The following ASB14 variants were observed in gnomAD, a reference collection of about 807,000 sequenced individuals.
ASB14 encodes the protein ankyrin repeat and SOCS box protein 14.
A neutral mutation model predicts 55.6 loss-of-function variants in ASB14; 63 were observed. The observed-to-expected ratio is 1.13, with a 90% CI of 0.92 to 1.40. The LOEUF is 1.40. Ranked by LOEUF, ASB14 falls within the 40% of genes most tolerant of loss-of-function variation. The probability of loss-of-function intolerance (pLI) is 0.00; values close to 1 mark genes in which losing one functional copy is unlikely to be tolerated. For missense variants in ASB14, 724 were observed against 710.4 expected (o/e 1.02, Z -0.22); for synonymous variants, 256 against 259.9 (o/e 0.98, Z 0.15).
rs115918312 is a variant in ASB14, at chr3:57,282,066, G to A, written c.715+1128C>T. 3.0e-3 allele frequency among the ~76,000 whole-genome samples: 451 copies of A among 152,202 alleles called. 1 individual carries two copies. Among genetic ancestry groups the A allele is most frequent in the African/African-American group, 0.01 (434 of 41,508 alleles). ...CTATACAAAAGGTTACTCTTTCCTC[G>A]TAGATGAAAGATTCCAATGTTTATT... On this transcript the variant is annotated intron_variant, in intron 6 of 10. Coordinates refer to ENST00000487349, the MANE Select transcript of ASB14 (RefSeq NM_001142733.3).
At chr3:57,269,756 C>T in intron 10 of ASB14, 138 bp from the exon 11 acceptor site, 1 of 1,520,956 alleles carries the variant, frequency 6.6e-7, no homozygotes, top group Non-Finnish European at 9.1e-7. Context: ...CAGAAGGTAA[C>T]AACTATGTTG....
chr3:57,283,453 A>C lies in ASB14; in HGVS notation c.470-14T>G. On this transcript the variant is annotated splice_polypyrimidine_tract_variant and intron_variant, in intron 5 of 10. Coordinates refer to ENST00000487349, the MANE Select transcript of ASB14 (RefSeq NM_001142733.3). ...CACGCAGCACAGCTGGGAAATGAGA[A>C]GTGTGGTGGGCATGTTCAACGGGAA... The C allele has an allele frequency of 6.5e-7, 1 of 1,549,434 alleles. No individual in the cohort carries two copies. The highest frequency in any genetic ancestry group is 8.7e-7 in the Non-Finnish European group (1 of 1,145,894).
chr3:57,285,170 A>C (rs1164299729), intron 5 of ASB14, among the ~76,000 whole-genome samples: 1 of 151,934 alleles, frequency 6.6e-6, no homozygotes, highest in African/African-American at 2.4e-5. Flanking sequence ...CAAACTCCTG[A>C]TCTCAGGTGA....
intron 6 of ASB14, 111 bp from the exon 7 acceptor site, chr3:57,280,584 T>C (rs1013672214): frequency 4.8e-6 from 4 of 835,906 alleles, no homozygotes; most frequent in African/African-American, 1.7e-5. Flanking sequence ...GCACGCACTC[T>C]AGCAAAGCAC....
chr3:57,280,601 T>C (rs903078590), intron 6 of ASB14, 128 bp from the exon 7 acceptor site: 4 of 712,176 alleles, frequency 5.6e-6, no homozygotes, highest in African/African-American at 5.3e-5. Flanking sequence ...GCACCAAGAA[T>C]CAAAGTAACA....
intron 2 of ASB14, 22 bp from the exon 3 acceptor site, chr3:57,289,145 T>C (rs746871975): frequency 1.9e-5 from 28 of 1,465,884 alleles, no homozygotes; most frequent in African/African-American, 2.8e-5. Context: ...AAAATACATA[T>C]GTAATTCCAA....
Position 57,288,197 on chromosome 3 carries a change from C to T in ASB14, c.268G>A (p.Ala90Thr). 6.5e-7 allele frequency: 1 copy of T among 1,536,970 alleles called. No homozygotes were observed. Among genetic ancestry groups the T allele is most frequent in the Non-Finnish European group, 8.7e-7 (1 of 1,146,600 alleles). Residue 90 changes from alanine to threonine, a missense_variant, in exon 4 of 11, where the codon GCA (alanine) becomes ACA (threonine). Transcript: ENST00000487349. ...EIGWIPLHKA[A>T]VQLNRKILEI... The stretch of plus-strand genomic sequence containing the variant: ...AAAATTTTCCTATTTAATTGCACTG[C>T]AGCCTTATGCAGAGGAATCCAGCCT...
In ASB14 at chr3:57,275,288, C is replaced by A. The variant is rs376325750; in HGVS notation, c.*22+1240G>T. On this transcript the variant is annotated intron_variant, in intron 10 of 10. Transcript: ENST00000487349. ...CCAACATGATGAAACCCCGTTTCTA[C>A]TAAAAATACAAAAATTAGCCGGGCA... Among the ~76,000 whole-genome samples, 35 of 152,066 alleles carry A rather than the reference C, an allele frequency of 2.3e-4. 2 individuals carry two copies. In the South Asian group the frequency reaches 7.1e-3, roughly 31 times the overall value.
At chr3:57,270,233 A>G (rs1468301851) in intron 10 of ASB14, 3 of 152,724 alleles carry the variant, frequency 2.0e-5, no homozygotes, top group South Asian at 4.1e-4. Context: ...TAAGGTTTCA[A>G]ATTGTGGCAG....
At chr3:57,292,541 TG>T (rs1271294158) in intron 1 of ASB14, 91 bp downstream of exon 1, 1 of 152,810 alleles carries the variant, frequency 6.5e-6, no homozygotes, top group African/African-American at 2.4e-5. Flanking sequence ...TAAAAACAAA[TG>T]TATCTTACTA....
Position 57,283,419 on chromosome 3 carries a change from CAT to C in ASB14, c.488_489del (p.Tyr163Ter). ...TAGTTGATCAGCAAGGCAGCCATGT[CAT>C]AGCAGTCACGCAGCACAGCTGGGAA... ...PLLAAVLRDC[Y>X]DMAALLINYG... On this transcript the variant is annotated frameshift_variant, in exon 6 of 11. Coordinates refer to ENST00000487349, the MANE Select transcript of ASB14 (RefSeq NM_001142733.3). LOFTEE classifies it high-confidence loss of function. 6.4e-7 allele frequency: 1 copy of C among 1,551,592 alleles called. No homozygotes were observed. The highest frequency in any genetic ancestry group is 8.7e-7 in the Non-Finnish European group (1 of 1,146,958).
intron 5 of ASB14, among the ~76,000 whole-genome samples, chr3:57,283,675 T>C (rs1466051422): frequency 2.0e-5 from 3 of 152,210 alleles, no homozygotes; most frequent in Non-Finnish European, 4.4e-5. Context: ...TATTCATTGC[T>C]TATGTGGTTG....
rs893916078 is a variant in ASB14 at position 57,269,251 on chromosome 3, A to G, written c.*390T>C. 3 of 255,162 alleles carry G rather than the reference A, an allele frequency of 1.2e-5. No individual in the cohort carries two copies. Among genetic ancestry groups the G allele is most frequent in the East Asian group, 1.6e-4 (2 of 12,224 alleles). The allele number at this position is 255,162 out of a possible 1,614,324, so 15.8% of individuals were successfully genotyped here. On this transcript the variant is annotated 3_prime_UTR_variant, in exon 11 of 11. Transcript: ENST00000487349. ...GGTGATCCCTTTCGAGGGTTTTACT[A>G]TAATATATAGTGAGAGATGATTGAT...
At chr3:57,282,567 G>A (rs1341984597) in intron 6 of ASB14, among the ~76,000 whole-genome samples, 3 of 152,134 alleles carry the variant, frequency 2.0e-5, no homozygotes, top group Non-Finnish European at 4.4e-5. Context: ...TTGAAGGGAA[G>A]TCCTGCAGCT....
At chr3:57,285,742 T>C (rs1048728825) in intron 5 of ASB14, among the ~76,000 whole-genome samples, 3 of 152,138 alleles carry the variant, frequency 2.0e-5, no homozygotes, top group Non-Finnish European at 4.4e-5. Flanking sequence ...AAGATGTCAT[T>C]CCTAGCCCAC....
At chr3:57,290,840 T>G (rs559051475) in intron 2 of ASB14, among the ~76,000 whole-genome samples, 1 of 152,372 alleles carries the variant, frequency 6.6e-6, no homozygotes, top group South Asian at 2.1e-4. Flanking sequence ...CTAATAAGGC[T>G]AATTTCTTTA....
At chr3:57,273,812 T>C (rs1440585313) in intron 10 of ASB14, among the ~76,000 whole-genome samples, 1 of 152,218 alleles carries the variant, frequency 6.6e-6, no homozygotes, top group Non-Finnish European at 1.5e-5. Context: ...TCAATACTAA[T>C]GCATATTCAT....
intron 10 of ASB14, chr3:57,272,350 A>G (rs74543077): frequency 6.6e-6 from 1 of 152,170 alleles, no homozygotes; most frequent in African/African-American, 2.4e-5. Context: ...CACATCTGCA[A>G]TGATTATTGT....
chr3:57,287,456 C>T (rs1206526514), intron 5 of ASB14, among the ~76,000 whole-genome samples: 1 of 152,162 alleles, frequency 6.6e-6, no homozygotes, highest in Non-Finnish European at 1.5e-5. Flanking sequence ...CCACCCTCAC[C>T]TAAAATTCCG....
Sources: allele counts gnomAD v4.1 joint callset (sites outside exome capture counted in the v4.1 genomes callset), GRCh38; gene constraint gnomAD v4.1.1; transcripts MANE v1.5; gene names NCBI Gene and HGNC (gene_info 2026-07-23, HGNC 2026-07-21).